Variants in MFSD11 observed in about 807,000 individuals in gnomAD.
The protein encoded by MFSD11 is UNC93-like protein MFSD11.
In MFSD11, 36 loss-of-function variants were observed where a neutral mutation model predicts 53.5. That is an observed-to-expected ratio of 0.67 (90% CI 0.52 to 0.89). The LOEUF (loss-of-function observed/expected upper bound fraction) is 0.89, where lower values mean the gene tolerates loss of function less well. Ranked by LOEUF, MFSD11 falls within the 40% of genes least tolerant of loss-of-function variation. The pLI is 0.00. For synonymous variants in MFSD11, 186 were observed against 184.9 expected (o/e 1.01, Z -0.05); for missense variants, 530 against 543.9 (o/e 0.97, Z 0.25).
intron 9 of MFSD11, 72 bp from the exon 10 acceptor site, chr17:76,769,674 A>T: frequency 8.2e-7 from 1 of 1,213,638 alleles, no homozygotes; most frequent in South Asian, 1.4e-5. Flanking sequence ...CTTTCGTCAG[A>T]TACTACTAGA....
the MFSD11 span, among the ~76,000 whole-genome samples, chr17:76,798,879 T>A: frequency 4.2e-4 from 63 of 150,772 alleles, no homozygotes; most frequent in African/African-American, 1.5e-3. Context: ...AATACAAAAT[T>A]AGCCAGGCAT....
chr17:76,771,210 A>G (rs894665441), intron 10 of MFSD11, among the ~76,000 whole-genome samples: 4 of 152,216 alleles, frequency 2.6e-5, no homozygotes, highest in Non-Finnish European at 4.4e-5. Flanking sequence ...TCTCTCCCCA[A>G]GGGTTGCCCC....
At chr17:76,766,554 T>A (rs890446914) in intron 8 of MFSD11, among the ~76,000 whole-genome samples, 2 of 152,198 alleles carry the variant, frequency 1.3e-5, no homozygotes, top group Non-Finnish European at 2.9e-5. Flanking sequence ...TGGAAATACT[T>A]GAAAATGATT....
At chr17:76,742,682 T>C (rs1228990231) in intron 5 of MFSD11, among the ~76,000 whole-genome samples, 1 of 152,018 alleles carries the variant, frequency 6.6e-6, no homozygotes, top group Non-Finnish European at 1.5e-5. Flanking sequence ...TTTTTTGTAT[T>C]TTTAGTAGAG....
intron 7 of MFSD11, among the ~76,000 whole-genome samples, chr17:76,749,026 CAGAG>C (rs1366295883): frequency 6.6e-6 from 1 of 152,176 alleles, no homozygotes; most frequent in Non-Finnish European, 1.5e-5. Flanking sequence ...TAGTTGGTGA[CAGAG>C]AGAAAAGAAA....
chr17:76,736,677 G>A (rs1474865958), upstream of MFSD11: 3 of 1,235,086 alleles, frequency 2.4e-6, no homozygotes, highest in South Asian at 2.3e-5. Flanking sequence ...GTCGCGAGAC[G>A]CGGCGTGCAC....
At chr17:76,799,444 T>A in the MFSD11 span, 1 of 151,560 alleles carries the variant, frequency 6.6e-6, no homozygotes, top group African/African-American at 2.4e-5. Context: ...ACAGTCTTGC[T>A]CTGTCACGCA....
At chr17:76,782,208 T>G (rs2082180254), downstream of MFSD11, among the ~76,000 whole-genome samples, 1 of 151,262 alleles carries the variant, frequency 6.6e-6, no homozygotes, top group East Asian at 2.0e-4. Context: ...GGAATTTCAC[T>G]CTTGTTGCCC....
the MFSD11 span, among the ~76,000 whole-genome samples, chr17:76,790,022 C>G: frequency 6.7e-6 from 1 of 149,552 alleles, no homozygotes; most frequent in African/African-American, 2.5e-5. Context: ...GGTTGGGTTT[C>G]CAGCATGTAA....
chr17:76,775,214 G>C, intron 11 of MFSD11, 43 bp downstream of exon 11: 1 of 1,583,952 alleles, frequency 6.3e-7, no homozygotes, highest in Non-Finnish European at 8.6e-7. Context: ...GTACGGGTGG[G>C]AGGTAACGGA....
the MFSD11 span, among the ~76,000 whole-genome samples, chr17:76,787,221 C>T: frequency 7.8e-4 from 118 of 151,240 alleles, no homozygotes; most frequent in South Asian, 0.013. Context: ...CCGCAACCTC[C>T]GCCTCCTGGG....
At chr17:76,789,284 G>A in the MFSD11 span, among the ~76,000 whole-genome samples, 282 of 150,266 alleles carry the variant, frequency 1.9e-3, 14 homozygotes, top group African/African-American at 6.1e-3. Flanking sequence ...GCATGGTTCC[G>A]GGGTTTGTGT....
At chr17:76,761,471 T>C (rs2080223236) in intron 8 of MFSD11, among the ~76,000 whole-genome samples, 1 of 152,186 alleles carries the variant, frequency 6.6e-6, no homozygotes, top group Non-Finnish European at 1.5e-5. Flanking sequence ...ATAAAAATTA[T>C]CTCTGTGAAT....
At chr17:76,739,433 A>T (rs1223416707) in intron 2 of MFSD11, among the ~76,000 whole-genome samples, 3 of 152,170 alleles carry the variant, frequency 2.0e-5, no homozygotes, top group Non-Finnish European at 4.4e-5. Context: ...GAGCTTTTAG[A>T]TTTTTGTTAA....
Position 76,741,037 on chromosome 17 carries a change from C to A in MFSD11, c.233C>A (p.Ser78Tyr), listed in dbSNP as rs199808723. 1.3e-5 allele frequency: 21 copies of A among 1,610,194 alleles called. No individual in the cohort carries two copies. The highest frequency in any genetic ancestry group is 1.5e-5 in the Non-Finnish European group (18 of 1,177,120). ...SVVAIVGPQLSMFASGLFYSM... is the reference protein window; with the variant it reads ...SVVAIVGPQLYMFASGLFYSM... ...GTTGCCATTGTAGGACCTCAACTCT[C>A]TATGTTTGCCAGTGGTTTATTTTAC... The change falls in exon 3 of 13, where the codon TCT becomes TAT. Residue 78 changes from serine to tyrosine, a missense_variant. Ser to Tyr is a moderately radical substitution (Grantham distance 144). Transcript: ENST00000685175.
At chr17:76,772,581 G>A (rs2081467416) in intron 10 of MFSD11, among the ~76,000 whole-genome samples, 1 of 145,352 alleles carries the variant, frequency 6.9e-6, no homozygotes, top group Admixed American at 7.0e-5. Context: ...GCAGTGGCTC[G>A]ATCTTGGCTC....
chr17:76,745,058 C>G (rs2078414671), intron 7 of MFSD11, among the ~76,000 whole-genome samples: 1 of 152,160 alleles, frequency 6.6e-6, no homozygotes, highest in African/African-American at 2.4e-5. Context: ...ATTTCAGTTT[C>G]AGGTGACACT....
At chr17:76,767,298 A>G (rs1036811729) in intron 8 of MFSD11, 88 bp from the exon 9 acceptor site, 7 of 735,202 alleles carry the variant, frequency 9.5e-6, no homozygotes, top group African/African-American at 1.8e-5. Flanking sequence ...CATTATTGAC[A>G]AGGGGTGTTT....
chr17:76,737,035 G>A (rs1211837574), upstream of MFSD11: 2 of 1,613,346 alleles, frequency 1.2e-6, no homozygotes, highest in Non-Finnish European at 1.7e-6. Context: ...GGATGTACAC[G>A]TCGCCGACGC....
Sources: allele counts gnomAD v4.1 joint callset (sites outside exome capture counted in the v4.1 genomes callset), GRCh38; gene constraint gnomAD v4.1.1; transcripts MANE v1.5; gene names NCBI Gene and HGNC (gene_info 2026-07-23, HGNC 2026-07-21).